PRR16: variants seen among roughly 807,000 people sequenced by gnomAD.
PRR16 encodes protein Largen.
A neutral mutation model predicts 18.2 loss-of-function variants in PRR16; 6 were observed. That is an observed-to-expected ratio of 0.33 (90% confidence interval 0.18 to 0.65). PRR16 has a LOEUF of 0.65. Ranked by LOEUF, PRR16 falls within the 30% of genes least tolerant of loss-of-function variation. The pLI, the probability that PRR16 is intolerant of heterozygous loss-of-function variation, is 0.74. For synonymous variants in PRR16, 151 were observed against 147.8 expected (o/e 1.02, Z -0.16); for missense variants, 412 against 376.6 (o/e 1.09, Z -0.78).
At chr5:120,597,686 A>G (rs1753857623) in intron 1 of PRR16, among the ~76,000 whole-genome samples, 1 of 151,726 alleles carries the variant, frequency 6.6e-6, no homozygotes, top group Admixed American at 6.6e-5. Flanking sequence ...ACAATGTTAT[A>G]TTTCCTTAAT....
chr5:120,532,743 T>C (rs1375592404), intron 1 of PRR16, among the ~76,000 whole-genome samples: 1 of 152,138 alleles, frequency 6.6e-6, no homozygotes, highest in East Asian at 1.9e-4. Context: ...GAAATTTTTT[T>C]TTTAAGAATT....
Position 120,524,093 on chromosome 5 carries a change from G to T in PRR16, c.159+59448G>T, listed in dbSNP as rs115293338. Reference sequence around the variant, plus strand: ...ATAGTATTATTTTCAACGTACAGATGAGGAAACTAAGACACAGAAGTTTAT... The same window carrying T: ...ATAGTATTATTTTCAACGTACAGATTAGGAAACTAAGACACAGAAGTTTAT... On this transcript the variant is annotated intron_variant, in intron 1 of 1. Transcript: ENST00000407149. Among the ~76,000 whole-genome samples, 230 of 152,224 alleles carry T rather than the reference G, an allele frequency of 1.5e-3. 1 individual carries two copies. Among genetic ancestry groups the T allele is most frequent in the African/African-American group, 5.3e-3 (219 of 41,554 alleles).
chr5:120,622,665 G>T (rs973914125), intron 1 of PRR16, among the ~76,000 whole-genome samples: 3 of 151,862 alleles, frequency 2.0e-5, no homozygotes, highest in African/African-American at 7.3e-5. Context: ...TTTTAGTAGA[G>T]ACAGAGTTTC....
chr5:120,644,370 A>G (rs1190348738), intron 1 of PRR16, among the ~76,000 whole-genome samples: 2 of 152,150 alleles, frequency 1.3e-5, no homozygotes, highest in African/African-American at 4.8e-5. Context: ...ATGCCCAAGT[A>G]TGTTAAGAAT....
At chr5:120,531,208 T>A (rs1218273248) in intron 1 of PRR16, among the ~76,000 whole-genome samples, 1 of 152,108 alleles carries the variant, frequency 6.6e-6, no homozygotes, top group Admixed American at 6.5e-5. Flanking sequence ...AATATAACAT[T>A]TTTTCCCTCT....
chr5:120,465,680 CA>C (rs1207647301), intron 1 of PRR16: 1 of 151,982 alleles, frequency 6.6e-6, no homozygotes, highest in African/African-American at 2.4e-5. Context: ...GCGCGCCGCT[CA>C]CTACTGAATG....
chr5:120,700,914 C>G, the PRR16 span, among the ~76,000 whole-genome samples: 16,187 of 152,164 alleles, frequency 0.11, 1,074 homozygotes, highest in Non-Finnish European at 0.14. Flanking sequence ...GGCCAGAGTT[C>G]CAGGGGCTCT....
intron 1 of PRR16, among the ~76,000 whole-genome samples, chr5:120,527,004 T>G (rs1298453085): frequency 2.0e-5 from 3 of 152,188 alleles, no homozygotes; most frequent in Admixed American, 2.0e-4. Flanking sequence ...GCCCCGTGAT[T>G]AGTAACTACT....
intron 1 of PRR16, among the ~76,000 whole-genome samples, chr5:120,635,964 A>G (rs1339985304): frequency 6.6e-6 from 1 of 152,170 alleles, no homozygotes; most frequent in East Asian, 1.9e-4. Flanking sequence ...TAGTTCTGCT[A>G]TATACCAACA....
chr5:120,708,868 T>C, the PRR16 span, among the ~76,000 whole-genome samples: 40 of 152,204 alleles, frequency 2.6e-4, no homozygotes, highest in Non-Finnish European at 4.4e-4. Flanking sequence ...CCATTCTTAA[T>C]TGATCATTTA....
At chr5:120,763,211 A>G in the PRR16 span, among the ~76,000 whole-genome samples, 1 of 151,952 alleles carries the variant, frequency 6.6e-6, no homozygotes, top group African/African-American at 2.4e-5. Flanking sequence ...CAGTGGCATG[A>G]TATCGGCTCA....
chr5:120,722,709 T>C, the PRR16 span, among the ~76,000 whole-genome samples: 1 of 152,044 alleles, frequency 6.6e-6, no homozygotes, highest in African/African-American at 2.4e-5. Context: ...GATTATGAAC[T>C]CTAGAGCAGA....
intron 1 of PRR16, among the ~76,000 whole-genome samples, chr5:120,679,842 T>C (rs1245341929): frequency 6.6e-6 from 1 of 151,982 alleles, no homozygotes; most frequent in Non-Finnish European, 1.5e-5. Context: ...ATGGTCTGAG[T>C]TGGGGGACAG....
At chr5:120,512,395 A>G (rs1750857261) in intron 1 of PRR16, among the ~76,000 whole-genome samples, 1 of 152,136 alleles carries the variant, frequency 6.6e-6, no homozygotes, top group African/African-American at 2.4e-5. Flanking sequence ...AGGAGGTGGC[A>G]GTTCTCACTC....
chr5:120,627,143 G>C (rs1754893769), intron 1 of PRR16, among the ~76,000 whole-genome samples: 1 of 152,012 alleles, frequency 6.6e-6, no homozygotes, highest in African/African-American at 2.4e-5. Context: ...TATATGCAGG[G>C]CATTCATTTT....
intron 1 of PRR16, among the ~76,000 whole-genome samples, chr5:120,551,977 A>G (rs562727889): frequency 6.6e-6 from 1 of 152,116 alleles, no homozygotes; most frequent in South Asian, 2.1e-4. Context: ...ATTTAGGACC[A>G]GAAAATAACT....
chr5:120,763,195 G>A, the PRR16 span, among the ~76,000 whole-genome samples: 8,351 of 151,978 alleles, frequency 0.055, 446 homozygotes, highest in African/African-American at 0.13. Flanking sequence ...CACCCAGGCT[G>A]GAGTTCAGTG....
intron 1 of PRR16, among the ~76,000 whole-genome samples, chr5:120,595,618 A>G (rs1380596923): frequency 1.3e-5 from 2 of 151,934 alleles, no homozygotes; most frequent in Non-Finnish European, 1.5e-5. Flanking sequence ...TTGTCTGTAC[A>G]CCACACTCCA....
chr5:120,780,411 ATTGT>A, the PRR16 span, among the ~76,000 whole-genome samples: 5,964 of 152,232 alleles, frequency 0.039, 156 homozygotes, highest in South Asian at 0.077. Flanking sequence ...AACTAATTTA[ATTGT>A]TTATTTGTGC....
Sources: gnomAD v4.1 joint callset for allele counts (sites outside exome capture counted in the v4.1 genomes callset) on GRCh38, gnomAD v4.1.1 for gene constraint, MANE v1.5 for transcripts, NCBI Gene and HGNC (gene_info 2026-07-23, HGNC 2026-07-21) for gene names.